The following ERAP1 variants were observed in gnomAD, a reference collection of about 807,000 sequenced individuals.
ERAP1 encodes adipocyte-derived leucine aminopeptidase.
ERAP1 carries 86 observed loss-of-function variants against 103.7 expected under a neutral mutation model. The observed-to-expected ratio is 0.83, with a 90% CI of 0.70 to 0.99. ERAP1 has a LOEUF of 0.99. ERAP1 is among the 50% of genes least tolerant of loss of function. The pLI, the probability that ERAP1 is intolerant of heterozygous loss-of-function variation, is 0.00. For missense variants in ERAP1, 1,009 were observed against 1,128.4 expected (o/e 0.89, Z 1.52); for synonymous variants, 398 against 402.4 (o/e 0.99, Z 0.13).
At chr5:96,895,192 G>T in the ERAP1 span, 4 of 1,108,418 alleles carry the variant, frequency 3.6e-6, no homozygotes, top group Admixed American at 4.6e-5. Flanking sequence ...TTTTGCTAAA[G>T]TTAATAATTT....
chr5:96,812,406 C>A (rs1308242615), upstream of ERAP1, among the ~76,000 whole-genome samples: 1 of 152,148 alleles, frequency 6.6e-6, no homozygotes, highest in African/African-American at 2.4e-5. Context: ...TTAAAGCAAA[C>A]CTTTGTTTAG....
At chr5:96,911,882 G>GAA in the ERAP1 span, among the ~76,000 whole-genome samples, 13 of 109,652 alleles carry the variant, frequency 1.2e-4, no homozygotes, top group African/African-American at 4.2e-4. Flanking sequence ...AAAAAAAAAA[G>GAA]AAAGAAAGAA....
chr5:96,845,892 C>A, the ERAP1 span, among the ~76,000 whole-genome samples: 16 of 152,100 alleles, frequency 1.1e-4, no homozygotes, highest in Admixed American at 9.8e-4. Flanking sequence ...TGATTTTAAA[C>A]CTTTGGATTT....
At chr5:96,769,339 C>T (rs152479) in intron 19 of ERAP1, 63,733 of 150,704 alleles carry the variant, frequency 0.42, 13,788 homozygotes, top group South Asian at 0.47. Context: ...CAGCTTTCCT[C>T]GGTTGTTTCC....
the ERAP1 span, among the ~76,000 whole-genome samples, chr5:96,839,551 AC>A: frequency 2.0e-5 from 3 of 152,218 alleles, no homozygotes; most frequent in Non-Finnish European, 4.4e-5. Flanking sequence ...ATTCTTTAAT[AC>A]ACAATACTAT....
chr5:96,817,252 A>G, the ERAP1 span, among the ~76,000 whole-genome samples: 1 of 152,264 alleles, frequency 6.6e-6, no homozygotes, highest in South Asian at 2.1e-4. Context: ...AAGGGTGAGG[A>G]GTGGACCTAT....
At chr5:96,891,026 A>G in the ERAP1 span, among the ~76,000 whole-genome samples, 83,000 of 151,508 alleles carry the variant, frequency 0.55, 22,717 homozygotes, top group Admixed American at 0.6. Context: ...CATCAATGCG[A>G]TTTAGAAGAA....
chr5:96,771,761 T>A, downstream of ERAP1: 2 of 1,073,660 alleles, frequency 1.9e-6, no homozygotes, highest in Admixed American at 3.7e-5. Context: ...ATTTATGTGT[T>A]ATAGATGAGA....
At chr5:96,839,745 C>T in the ERAP1 span, among the ~76,000 whole-genome samples, 1 of 152,154 alleles carries the variant, frequency 6.6e-6, no homozygotes, top group Non-Finnish European at 1.5e-5. Flanking sequence ...ACATTAGGCT[C>T]ATTCCTGTCA....
chr5:96,898,517 A>C, the ERAP1 span, among the ~76,000 whole-genome samples: 1 of 148,112 alleles, frequency 6.8e-6, no homozygotes, highest in Non-Finnish European at 1.5e-5. Flanking sequence ...CGAGGTGGGC[A>C]AATTGCCTGA....
the ERAP1 span, among the ~76,000 whole-genome samples, chr5:96,813,650 C>CAAAAAAAAAAAAAAAAAAAAAAAAAAA: frequency 7.3e-5 from 4 of 55,166 alleles, 2 homozygotes; most frequent in Non-Finnish European, 6.6e-5. Flanking sequence ...AGACTCATCT[C>CAAAAAAAAAAAAAAAAAAAAAAAAAAA]AAAAAAAAAA....
the ERAP1 span, among the ~76,000 whole-genome samples, chr5:96,908,651 C>G: frequency 6.6e-6 from 1 of 152,090 alleles, no homozygotes; most frequent in African/African-American, 2.4e-5. Context: ...CATTTATTAA[C>G]CTTTTGCTAT....
the ERAP1 span, among the ~76,000 whole-genome samples, chr5:96,896,198 A>G: frequency 6.6e-6 from 1 of 152,166 alleles, no homozygotes; most frequent in African/African-American, 2.4e-5. Flanking sequence ...GAGAAACTTT[A>G]AAAAGATGTA....
At chr5:96,912,157 C>G in the ERAP1 span, among the ~76,000 whole-genome samples, 2 of 144,370 alleles carry the variant, frequency 1.4e-5, no homozygotes, top group African/African-American at 2.6e-5. Context: ...CGCCACTGCA[C>G]TCCAGCTTGG....
At chr5:96,877,999 A>T in the ERAP1 span, among the ~76,000 whole-genome samples, 1 of 152,202 alleles carries the variant, frequency 6.6e-6, no homozygotes, top group East Asian at 1.9e-4. Context: ...TAGCAGAGAA[A>T]ACCTTCATGG....
chr5:96,783,374 TG>T (rs1484806191), intron 14 of ERAP1, 139 bp from the exon 15 acceptor site: 2 of 677,698 alleles, frequency 3.0e-6, no homozygotes, highest in Non-Finnish European at 4.7e-6. Flanking sequence ...CATGCAGCAC[TG>T]TTTAATTATA....
At chr5:96,932,223 C>T in the ERAP1 span, among the ~76,000 whole-genome samples, 2 of 152,316 alleles carry the variant, frequency 1.3e-5, no homozygotes, top group South Asian at 4.1e-4. Context: ...CTTAGGGTGG[C>T]CGGAAACCTC....
At chr5:96,807,791 G>A in intron 1 of ERAP1, 69 bp downstream of exon 1, 1 of 971,214 alleles carries the variant, frequency 1.0e-6, no homozygotes, top group Non-Finnish European at 1.2e-6. Context: ...GACGGGCGCA[G>A]GGAAGGGGCG....
At chr5:96,845,916 AT>A in the ERAP1 span, among the ~76,000 whole-genome samples, 3 of 152,176 alleles carry the variant, frequency 2.0e-5, no homozygotes, top group Non-Finnish European at 4.4e-5. Flanking sequence ...TTTGAAGATC[AT>A]ATGTGAAAAA....
Sources: gnomAD v4.1 joint callset for allele counts (sites outside exome capture counted in the v4.1 genomes callset) on GRCh38, gnomAD v4.1.1 for gene constraint, MANE v1.5 for transcripts, NCBI Gene and HGNC (gene_info 2026-07-23, HGNC 2026-07-21) for gene names.